Variants in RABGAP1 observed in about 807,000 individuals in gnomAD.
The protein encoded by RABGAP1 is rab GTPase-activating protein 1.
RABGAP1 carries 23 observed loss-of-function variants against 137.6 expected under a neutral mutation model. That is an observed-to-expected ratio of 0.17 (90% confidence interval 0.12 to 0.24). The LOEUF is 0.24. Ranked by LOEUF, RABGAP1 falls within the 10% of genes least tolerant of loss-of-function variation. RABGAP1 has a pLI of 1.00. For synonymous variants in RABGAP1, 451 were observed against 450.7 expected, an observed-to-expected ratio of 1.00 and a Z score of -0.01; for missense variants, 906 against 1,275.8, an observed-to-expected ratio of 0.71 and a Z score of 4.42.
chr9:123,099,508 A>C lies in RABGAP1; in HGVS notation c.2848A>C (p.Lys950Gln). 6.2e-7 allele frequency: 1 copy of C among 1,613,124 alleles called. No individual in the cohort carries two copies. Among genetic ancestry groups the C allele is most frequent in the Non-Finnish European group, 8.5e-7 (1 of 1,179,102 alleles). Residue 950 changes from lysine (K) to glutamine (Q), a missense_variant, in exon 24 of 26, where the codon AAG becomes CAG. Around this residue, in one of 9 missense-constraint regions of RABGAP1, gnomAD observed 193 missense variants for 248.1 expected, o/e 0.78. Coordinates refer to ENST00000373647, the MANE Select transcript of RABGAP1 (RefSeq NM_012197.4). Reference protein sequence around the residue: ...ICSQLSERLEKQQTANKVEIE... With the variant: ...ICSQLSERLEQQQTANKVEIE... ...TTCTCAGTTGAGTGAAAGATTGGAGAAGCAGCAGACAGCCAATAAGGTGGA... is the reference window on the plus strand; with the variant it reads ...TTCTCAGTTGAGTGAAAGATTGGAGCAGCAGCAGACAGCCAATAAGGTGGA...
intron 14 of RABGAP1, among the ~76,000 whole-genome samples, chr9:123,065,907 C>T (rs569569631): frequency 2.0e-5 from 3 of 152,322 alleles, no homozygotes; most frequent in Admixed American, 1.3e-4. Flanking sequence ...ATTCTGATTT[C>T]TCTCAAAAGG....
chr9:123,088,793 C>A (rs1218943807), intron 19 of RABGAP1, among the ~76,000 whole-genome samples: 1 of 152,140 alleles, frequency 6.6e-6, no homozygotes, highest in African/African-American at 2.4e-5. Flanking sequence ...AGCCTGTTAC[C>A]TAGAAGGAAA....
At chr9:122,945,153 T>G (rs1482950049) in intron 1 of RABGAP1, among the ~76,000 whole-genome samples, 1 of 141,684 alleles carries the variant, frequency 7.1e-6, no homozygotes, top group East Asian at 2.0e-4. Context: ...GTTGCTTTTT[T>G]TTTTTTTTTT....
Position 122,990,816 on chromosome 9 carries a change from T to A in RABGAP1, c.923+603T>A, listed in dbSNP as rs1209982800. Reference sequence around the variant, plus strand: ...AAAAAAATATATATATATATATATATATATATATATATATATATATGGCCA... The same window carrying A: ...AAAAAAATATATATATATATATATAAATATATATATATATATATATGGCCA... On this transcript the variant is annotated intron_variant, in intron 6 of 25. Coordinates refer to ENST00000373647, the MANE Select transcript of RABGAP1 (RefSeq NM_012197.4). The A allele has an allele frequency of 5.1e-4, 57 of 111,834 alleles. 4 individuals carry two copies. The highest frequency in any genetic ancestry group is 3.8e-3 in the South Asian group (12 of 3,146). The allele number at this position is 111,834 out of a possible 1,614,324, so 6.9% of individuals were successfully genotyped here. A position where few individuals can be genotyped will look rare whatever the true frequency, so the allele number is the denominator to read the frequency against.
upstream of RABGAP1, among the ~76,000 whole-genome samples, chr9:122,940,543 C>T (rs923958718): frequency 2.0e-5 from 3 of 152,172 alleles, no homozygotes; most frequent in Non-Finnish European, 4.4e-5. Flanking sequence ...CATAAAGAAC[C>T]ATCACAATCC....
intron 21 of RABGAP1, among the ~76,000 whole-genome samples, chr9:123,094,319 T>C (rs2035117314): frequency 6.6e-6 from 1 of 152,230 alleles, no homozygotes; most frequent in Non-Finnish European, 1.5e-5. Flanking sequence ...GGACATTAGC[T>C]GTAGGTTTTT....
chr9:123,070,671 G>A lies in RABGAP1; in HGVS notation c.1983+247G>A, dbSNP rs2034324836. Among the ~76,000 whole-genome samples the A allele has an allele frequency of 6.6e-6, 1 of 152,182 alleles. No individual in the cohort carries two copies. Among genetic ancestry groups the A allele is most frequent in the Non-Finnish European group, 1.5e-5 (1 of 68,036 alleles). The stretch of plus-strand genomic sequence containing the variant: ...CTTCCTTTTTATTAATAGGATGATT[G>A]GAGAGACTTTAATGTTGGTTGAACT... On this transcript the variant is annotated intron_variant, in intron 15 of 25. Transcript: ENST00000373647. The surrounding 1 kb of genome is among the most constrained non-coding windows in gnomAD (Gnocchi z 4.4).
At chr9:123,090,627 ACAT>A (rs2035006490) in intron 21 of RABGAP1, among the ~76,000 whole-genome samples, 1 of 152,180 alleles carries the variant, frequency 6.6e-6, no homozygotes, top group Admixed American at 6.5e-5. Context: ...TCTTTCCCAA[ACAT>A]CATTTGATTA....
At chr9:122,935,761 T>C in the RABGAP1 span, among the ~76,000 whole-genome samples, 3 of 152,352 alleles carry the variant, frequency 2.0e-5, no homozygotes, top group South Asian at 2.1e-4. Context: ...CTAGAGATCT[T>C]TGTTTCTCTG....
intron 10 of RABGAP1, among the ~76,000 whole-genome samples, chr9:123,003,077 GTC>G (rs1057084510): frequency 6.6e-6 from 1 of 152,154 alleles, no homozygotes; most frequent in Non-Finnish European, 1.5e-5. Flanking sequence ...ACTTTTCGCT[GTC>G]TTAAAGCATT....
At chr9:123,018,976 C>T (rs1734628288) in intron 12 of RABGAP1, among the ~76,000 whole-genome samples, 1 of 152,154 alleles carries the variant, frequency 6.6e-6, no homozygotes, top group African/African-American at 2.4e-5. Context: ...TGAGGACTAC[C>T]TCAGTCATTT....
intron 13 of RABGAP1, among the ~76,000 whole-genome samples, chr9:123,057,341 C>T (rs1293210929): frequency 3.4e-5 from 5 of 146,858 alleles, no homozygotes; most frequent in African/African-American, 5.1e-5. Flanking sequence ...TCAGACGGGG[C>T]GGCCGGGCAG....
chr9:123,068,335 G>C (rs903254082), intron 14 of RABGAP1, among the ~76,000 whole-genome samples: 1 of 145,054 alleles, frequency 6.9e-6, no homozygotes, highest in African/African-American at 2.7e-5. Context: ...GGGTGACACA[G>C]GAGACTCCAT....
chr9:122,963,442 A>T (rs758614996), intron 2 of RABGAP1, among the ~76,000 whole-genome samples: 21 of 152,172 alleles, frequency 1.4e-4, no homozygotes, highest in African/African-American at 3.9e-4. Flanking sequence ...ATCCAACCAT[A>T]AGGGCAGGAA....
At chr9:122,996,858 G>T in intron 8 of RABGAP1, 1 of 466,142 alleles carries the variant, frequency 2.1e-6, no homozygotes. Flanking sequence ...TACAGTTGAT[G>T]TGATAATCAA....
At chr9:122,968,426 T>C (rs1338945769) in intron 2 of RABGAP1, among the ~76,000 whole-genome samples, 1 of 151,994 alleles carries the variant, frequency 6.6e-6, no homozygotes, top group East Asian at 1.9e-4. Context: ...TTTTACCAGG[T>C]TGGTCAGGCT....
At position 123,101,799 on chromosome 9, in the gene RABGAP1, C is replaced by T. The variant is rs773224825; in HGVS notation, c.3087+36C>T. ...CAGAGCTCAGACATGTGCCTGCGGGCTGGGTTTCCTGATGTGCACTAGAGA... is the reference window on the plus strand; with the variant it reads ...CAGAGCTCAGACATGTGCCTGCGGGTTGGGTTTCCTGATGTGCACTAGAGA... On this transcript the variant is annotated intron_variant, in intron 25 of 25. Transcript: ENST00000373647. 18 of 1,532,866 alleles carry T rather than the reference C, an allele frequency of 1.2e-5. No homozygotes were observed. The Admixed American group carries it at 3.8e-4, about 33-fold the overall frequency. The allele number at this position is 1,532,866 out of a possible 1,614,324, so 95.0% of individuals were successfully genotyped here. A position where few individuals can be genotyped will look rare whatever the true frequency, so the allele number is the denominator to read the frequency against.
rs1285917226 is a variant in RABGAP1, at chr9:122,986,209, T to C, written c.386-6T>C. 1 of 1,611,726 alleles carries C rather than the reference T, an allele frequency of 6.2e-7. No individual in the cohort carries two copies. On this transcript the variant is annotated splice_region_variant and splice_polypyrimidine_tract_variant and intron_variant, in intron 3 of 25. Coordinates refer to ENST00000373647, the MANE Select transcript of RABGAP1 (RefSeq NM_012197.4). ...TAATCACTTCCTTATTCATTGTTTCTTTCAGATTCTGAAGCTTCAAGTCCT... is the reference window on the plus strand; with the variant it reads ...TAATCACTTCCTTATTCATTGTTTCCTTCAGATTCTGAAGCTTCAAGTCCT...
intron 21 of RABGAP1, among the ~76,000 whole-genome samples, chr9:123,096,649 A>G (rs1286031604): frequency 6.6e-6 from 1 of 151,940 alleles, no homozygotes; most frequent in Non-Finnish European, 1.5e-5. Flanking sequence ...GCTCACTGCA[A>G]CCTCAGCCTC....
Sources: allele counts gnomAD v4.1 joint callset (sites outside exome capture counted in the v4.1 genomes callset), GRCh38; gene constraint gnomAD v4.1.1; regional missense constraint gnomAD v4.1.1; non-coding constraint Gnocchi (gnomAD v3.1); transcripts MANE v1.5; gene names NCBI Gene and HGNC (gene_info 2026-07-23, HGNC 2026-07-21).